ACVR1: variants seen among roughly 807,000 people sequenced by gnomAD.
The protein encoded by ACVR1 is activin receptor type-1.
ACVR1 carries 38 observed loss-of-function variants against 57.1 expected under a neutral mutation model. The observed-to-expected ratio is 0.67, with a 90% CI of 0.51 to 0.87. ACVR1 has a LOEUF of 0.87. ACVR1 is among the 40% of genes least tolerant of loss of function. The pLI, the probability that ACVR1 is intolerant of heterozygous loss-of-function variation, is 0.00. For synonymous variants in ACVR1, 212 were observed against 228.1 expected (o/e 0.93, Z 0.63); for missense variants, 463 against 638.2 (o/e 0.73, Z 2.96).
intron 1 of ACVR1, among the ~76,000 whole-genome samples, chr2:157,850,923 C>A (rs186064225): frequency 1.2e-4 from 19 of 152,270 alleles, no homozygotes; most frequent in African/African-American, 4.6e-4. Flanking sequence ...CGCCACTGCA[C>A]TCCAGTCTGG....
intron 1 of ACVR1, among the ~76,000 whole-genome samples, chr2:157,873,139 T>C (rs1690167233): frequency 6.6e-6 from 1 of 152,164 alleles, no homozygotes; most frequent in Non-Finnish European, 1.5e-5. Context: ...TAAGTGGGAC[T>C]CAGCCATGGT....
At chr2:157,867,652 C>T (rs1024892474) in intron 1 of ACVR1, among the ~76,000 whole-genome samples, 1 of 148,214 alleles carries the variant, frequency 6.7e-6, no homozygotes, top group African/African-American at 2.5e-5. Context: ...ATGAAAATGT[C>T]CCCCATTTTT....
chr2:157,780,504 G>A lies in ACVR1; in HGVS notation c.164C>T (p.Ser55Phe). 2 of 1,614,074 alleles carry A rather than the reference G, an allele frequency of 1.2e-6. No individual in the cohort carries two copies. Among genetic ancestry groups the A allele is most frequent in the Non-Finnish European group, 1.7e-6 (2 of 1,180,034 alleles). Residue 55 changes from serine (S) to phenylalanine (F), a missense_variant, in exon 4 of 11, where the codon TCC (serine) becomes TTC (phenylalanine). Coordinates refer to ENST00000434821, the MANE Select transcript of ACVR1 (RefSeq NM_001111067.4). Reference protein sequence around the residue: ...EDHCEGQQCFSSLSINDGFHV... With the variant: ...EDHCEGQQCFFSLSINDGFHV... ...GAAGCCATCGTTGATGCTCAGTGAG[G>A]AAAAGCACTGCTGGCCTTCACAGTG...
At chr2:157,770,689 T>C (rs1686042300) in intron 6 of ACVR1, among the ~76,000 whole-genome samples, 175 bp from the exon 7 acceptor site, 1 of 152,158 alleles carries the variant, frequency 6.6e-6, no homozygotes. Flanking sequence ...TTTTTTGGCC[T>C]ATAAAGACAT....
chr2:157,833,046 G>C (rs1374830606), intron 1 of ACVR1, among the ~76,000 whole-genome samples: 2 of 152,134 alleles, frequency 1.3e-5, no homozygotes, highest in Admixed American at 6.5e-5. Flanking sequence ...AAAGGAATAT[G>C]TGTGTATAAA....
intron 9 of ACVR1, among the ~76,000 whole-genome samples, chr2:157,754,023 T>C (rs766653810): frequency 2.8e-4 from 42 of 152,152 alleles, no homozygotes; most frequent in Non-Finnish European, 1.3e-4. Flanking sequence ...GGGTCAACAA[T>C]GAAATCAAGA....
At chr2:157,802,317 G>A (rs1273823243) in intron 2 of ACVR1, among the ~76,000 whole-genome samples, 2 of 152,134 alleles carry the variant, frequency 1.3e-5, no homozygotes, top group East Asian at 1.9e-4. Flanking sequence ...AGGACTTAGG[G>A]CAAACCTCAG....
At chr2:157,871,361 T>C (rs1482697801) in intron 1 of ACVR1, among the ~76,000 whole-genome samples, 1 of 152,158 alleles carries the variant, frequency 6.6e-6, no homozygotes, top group East Asian at 1.9e-4. Flanking sequence ...TGAGGGGCAA[T>C]GCAGAGACCA....
At chr2:157,851,366 T>G (rs541577423) in intron 1 of ACVR1, among the ~76,000 whole-genome samples, 12 of 151,964 alleles carry the variant, frequency 7.9e-5, no homozygotes, top group Non-Finnish European at 1.2e-4. Flanking sequence ...AATACAAGCA[T>G]GGAAGTCAAA....
At chr2:157,804,901 C>T (rs1374297045) in intron 2 of ACVR1, among the ~76,000 whole-genome samples, 3 of 152,166 alleles carry the variant, frequency 2.0e-5, no homozygotes, top group Non-Finnish European at 2.9e-5. Context: ...AAGAAGCTAG[C>T]GCTTAGCTCA....
At chr2:157,810,903 A>G (rs1687729536) in intron 2 of ACVR1, among the ~76,000 whole-genome samples, 1 of 152,110 alleles carries the variant, frequency 6.6e-6, no homozygotes, top group African/African-American at 2.4e-5. Flanking sequence ...TTAAGGTTCT[A>G]CGTCGTTTTA....
chr2:157,742,003 C>G (rs1559030513), intron 9 of ACVR1, among the ~76,000 whole-genome samples: 1 of 152,076 alleles, frequency 6.6e-6, no homozygotes, highest in African/African-American at 2.4e-5. Context: ...ACTGACAAAC[C>G]ATCCTCTGAC....
chr2:157,766,543 T>G (rs1387750313), intron 7 of ACVR1, among the ~76,000 whole-genome samples: 4 of 152,226 alleles, frequency 2.6e-5, no homozygotes, highest in African/African-American at 4.8e-5. Context: ...AACAGACCAT[T>G]CATCAACCAT....
rs145508241 is a variant in ACVR1, at chr2:157,787,951, G to A, written c.68-7351C>T. On this transcript the variant is annotated intron_variant, in intron 3 of 10. Transcript: ENST00000434821. The stretch of plus-strand genomic sequence containing the variant: ...GCCTCCTCCAAGGTTGCCAATCTTA[G>A]CTGTGGTTACCATCAGCGAGCCTCC... Among the ~76,000 whole-genome samples the A allele has an allele frequency of 4.5e-3, 690 of 152,256 alleles. 5 individuals are homozygous for A. Among genetic ancestry groups the A allele is most frequent in the Middle Eastern group, 0.017 (5 of 294 alleles).
chr2:157,831,106 T>C (rs1388663047), intron 1 of ACVR1, among the ~76,000 whole-genome samples: 1 of 152,122 alleles, frequency 6.6e-6, no homozygotes, highest in Admixed American at 6.5e-5. Flanking sequence ...CTTTACCTTC[T>C]TAAAGGTTTT....
intron 1 of ACVR1, among the ~76,000 whole-genome samples, chr2:157,828,448 T>TGA (rs1483848073): frequency 6.6e-5 from 1 of 15,070 alleles, no homozygotes; most frequent in Non-Finnish European, 2.6e-4. Context: ...AGACTCCGTC[T>TGA]CAAAAAAAAA....
chr2:157,857,399 A>G, intron 1 of ACVR1, among the ~76,000 whole-genome samples: 1 of 143,116 alleles, frequency 7.0e-6, no homozygotes, highest in African/African-American at 2.5e-5. Context: ...AACTAATTGG[A>G]AAAAAAAAAA....
chr2:157,772,306 C>T (rs1686099765), intron 6 of ACVR1, among the ~76,000 whole-genome samples: 1 of 152,132 alleles, frequency 6.6e-6, no homozygotes, highest in Non-Finnish European at 1.5e-5. Flanking sequence ...TTTCACTGAT[C>T]GTCATCCAGA....
intron 9 of ACVR1, among the ~76,000 whole-genome samples, chr2:157,753,538 A>G (rs951850170): frequency 2.6e-5 from 4 of 152,158 alleles, no homozygotes; most frequent in African/African-American, 9.7e-5. Context: ...AAAAAAAAGA[A>G]GCCTTGTCCA....
Sources: allele counts gnomAD v4.1 joint callset (sites outside exome capture counted in the v4.1 genomes callset), GRCh38; gene constraint gnomAD v4.1.1; transcripts MANE v1.5; gene names NCBI Gene and HGNC (gene_info 2026-07-23, HGNC 2026-07-21).